Variants in DPP6 observed in about 807,000 individuals in gnomAD.
DPP6 encodes the protein A-type potassium channel modulatory protein DPP6.
A neutral mutation model predicts 122.6 loss-of-function variants in DPP6; 69 were observed. The ratio of observed to expected loss-of-function variants is 0.56; its 90% CI spans 0.46 to 0.69. The LOEUF is 0.69. Among genes scored for constraint, DPP6 ranks in the 30% least tolerant of loss-of-function variants. The pLI, the probability that DPP6 is intolerant of heterozygous loss-of-function variation, is 0.00. For synonymous variants in DPP6, 418 were observed against 433.1 expected, an observed-to-expected ratio of 0.97 and a Z score of 0.43; for missense variants, 928 against 1,116.9, an observed-to-expected ratio of 0.83 and a Z score of 2.41.
At chr7:154,264,178 A>T (rs767161912) in intron 1 of DPP6, among the ~76,000 whole-genome samples, 1 of 152,178 alleles carries the variant, frequency 6.6e-6, no homozygotes, top group African/African-American at 2.4e-5. Flanking sequence ...TTTTATTCAC[A>T]TATATTTGCA....
At chr7:154,641,922 C>G (rs1836125344) in intron 6 of DPP6, among the ~76,000 whole-genome samples, 1 of 152,170 alleles carries the variant, frequency 6.6e-6, no homozygotes, top group African/African-American at 2.4e-5. Flanking sequence ...TGCTTACCTA[C>G]TCGTAATTTT....
chr7:154,741,355 G>A (rs1842813186), intron 8 of DPP6, among the ~76,000 whole-genome samples: 1 of 152,170 alleles, frequency 6.6e-6, no homozygotes, highest in South Asian at 2.1e-4. Context: ...CTGCATGCTG[G>A]CCACTCAGGC....
chr7:154,508,703 A>T (rs542492625), intron 3 of DPP6, among the ~76,000 whole-genome samples: 1 of 152,194 alleles, frequency 6.6e-6, no homozygotes, highest in South Asian at 2.1e-4. Flanking sequence ...CCTCAGAGGA[A>T]TTTGGAAAAT....
At chr7:153,983,430 A>G (rs1468975047) in intron 1 of DPP6, among the ~76,000 whole-genome samples, 1 of 152,238 alleles carries the variant, frequency 6.6e-6, no homozygotes, top group Non-Finnish European at 1.5e-5. Flanking sequence ...TCAACTTCAG[A>G]CGGCTGTGCT....
At chr7:154,085,325 A>G (rs1804329061) in intron 1 of DPP6, among the ~76,000 whole-genome samples, 3 of 152,130 alleles carry the variant, frequency 2.0e-5, no homozygotes, top group East Asian at 1.9e-4. Context: ...AGTAATATCT[A>G]CCTCATCTGA....
At chr7:154,192,683 T>C (rs974795548) in intron 1 of DPP6, among the ~76,000 whole-genome samples, 1 of 152,258 alleles carries the variant, frequency 6.6e-6, no homozygotes, top group Non-Finnish European at 1.5e-5. Context: ...AAATGAATTT[T>C]AAAAATCCCC....
intron 1 of DPP6, among the ~76,000 whole-genome samples, chr7:153,948,459 C>T (rs777877002): frequency 7.2e-5 from 11 of 151,974 alleles, no homozygotes; most frequent in South Asian, 2.1e-4. Flanking sequence ...AAGCCCACAC[C>T]GGTTCCCATG....
At chr7:154,668,197 T>TTATATATATATATATGTGTGTGTA (rs1838291243) in intron 6 of DPP6, among the ~76,000 whole-genome samples, 2 of 36,476 alleles carry the variant, frequency 5.5e-5, no homozygotes, top group Non-Finnish European at 1.5e-4. Flanking sequence ...TGTGTATATT[T>TTATATATATATATATGTGTGTGTA]TATATATATA....
At chr7:153,767,401 CTT>C in the DPP6 span, among the ~76,000 whole-genome samples, 3 of 152,242 alleles carry the variant, frequency 2.0e-5, no homozygotes, top group South Asian at 2.1e-4. Flanking sequence ...TGGATTCACT[CTT>C]GTCGCTCAGA....
At position 154,418,411 on chromosome 7, in the gene DPP6, G is replaced by A. The variant is rs1817201085; in HGVS notation, c.244-27803G>A. Among the ~76,000 whole-genome samples, 2 of 152,188 alleles carry A rather than the reference G, an allele frequency of 1.3e-5. 1 individual carries two copies. The highest frequency in any genetic ancestry group is 4.1e-4 in the South Asian group (2 of 4,826). On this transcript the variant is annotated intron_variant, in intron 1 of 25. Coordinates refer to ENST00000377770, the MANE Select transcript of DPP6 (RefSeq NM_130797.4). ...CAGCAAAGAACCTTGTTTACAGTAG[G>A]TGCTTAATAAATATTTAATCCATTT... is the stretch of plus-strand genomic sequence containing the variant.
At chr7:154,541,999 C>T (rs1330538465) in intron 4 of DPP6, among the ~76,000 whole-genome samples, 1 of 152,166 alleles carries the variant, frequency 6.6e-6, no homozygotes, top group Non-Finnish European at 1.5e-5. Context: ...CTTCTTTTCC[C>T]TCCTAAAGAA....
intron 6 of DPP6, among the ~76,000 whole-genome samples, chr7:154,640,572 T>G (rs11767661): frequency 0.4 from 61,074 of 151,872 alleles, 12,529 homozygotes; most frequent in African/African-American, 0.48. Flanking sequence ...GTCAGAGTCT[T>G]ATTTGTCTTA....
At chr7:153,817,608 T>G in the DPP6 span, among the ~76,000 whole-genome samples, 10 of 151,798 alleles carry the variant, frequency 6.6e-5, no homozygotes, top group East Asian at 1.6e-3. Context: ...ATGAGTTCAT[T>G]TCCTTTGTAG....
At chr7:154,603,656 CAAAAAAAAAA>C (rs779501891) in intron 5 of DPP6, among the ~76,000 whole-genome samples, 2 of 24,974 alleles carry the variant, frequency 8.0e-5, no homozygotes, top group Non-Finnish European at 7.8e-5. Context: ...AACTCTGTCT[CAAAAAAAAAA>C]AAAAAAAAAA....
intron 1 of DPP6, among the ~76,000 whole-genome samples, chr7:153,943,255 G>A (rs375485780): frequency 2.6e-5 from 4 of 152,334 alleles, no homozygotes; most frequent in South Asian, 4.1e-4. Flanking sequence ...CAGCTAGGGA[G>A]ATATTTTCGG....
At chr7:153,998,367 C>A (rs1042667364) in intron 1 of DPP6, among the ~76,000 whole-genome samples, 1 of 152,190 alleles carries the variant, frequency 6.6e-6, no homozygotes, top group African/African-American at 2.4e-5. Context: ...CTCTTCTCAG[C>A]AACCACTTAC....
At chr7:154,639,399 T>C (rs1449055496) in intron 6 of DPP6, among the ~76,000 whole-genome samples, 3 of 152,222 alleles carry the variant, frequency 2.0e-5, no homozygotes. Context: ...CAAGCAGATA[T>C]ATATCTTCAG....
At chr7:154,436,107 T>C (rs931082600) in intron 1 of DPP6, among the ~76,000 whole-genome samples, 2 of 151,978 alleles carry the variant, frequency 1.3e-5, no homozygotes, top group Admixed American at 1.3e-4. Context: ...CTGGAACTTA[T>C]TTGAGGTGGC....
intron 1 of DPP6, among the ~76,000 whole-genome samples, chr7:153,990,244 G>C (rs1383544079): frequency 1.9e-5 from 2 of 106,330 alleles, no homozygotes; most frequent in African/African-American, 7.7e-5. Flanking sequence ...CCACCCTCAG[G>C]CAGCCCCACC....
Sources: gnomAD v4.1 joint callset for allele counts (sites outside exome capture counted in the v4.1 genomes callset) on GRCh38, gnomAD v4.1.1 for gene constraint, MANE v1.5 for transcripts, NCBI Gene and HGNC (gene_info 2026-07-23, HGNC 2026-07-21) for gene names.